Variants in SGSM2 observed in about 807,000 individuals in gnomAD.
The protein encoded by SGSM2 is small G protein signaling modulator 2.
SGSM2 carries 89 observed loss-of-function variants against 126.6 expected under a neutral mutation model. The observed-to-expected ratio is 0.70, with a 90% CI of 0.59 to 0.84. The LOEUF is 0.84. SGSM2 is among the 40% of genes least tolerant of loss of function. SGSM2 has a pLI of 0.00. For missense variants in SGSM2, 1,404 were observed against 1,416.6 expected (o/e 0.99, Z 0.14); for synonymous variants, 614 against 574.3 (o/e 1.07, Z -0.99).
rs534925824 is a variant in SGSM2, at chr17:2,372,602, C to T, written c.1788+114C>T. 342 of 1,397,974 alleles carry T rather than the reference C, an allele frequency of 2.4e-4. 2 individuals carry two copies. In the African/African-American group the frequency reaches 3.1e-3, roughly 13 times the overall value. 86.6% of individuals were successfully genotyped at this position (1,397,974 alleles called of 1,614,324 possible). A position where few individuals can be genotyped will look rare whatever the true frequency, so the allele number is the denominator to read the frequency against. On this transcript the variant is annotated intron_variant, in intron 15 of 23. Coordinates refer to ENST00000268989, the MANE Select transcript of SGSM2 (RefSeq NM_014853.3). The surrounding 1 kb of genome is among the most constrained non-coding windows in gnomAD (Gnocchi z 6.0). ...GGTTGACAGGCCAGGGCCGATGCCACGGAGTGACCAGGGTCCCGGCAGAAT... is the reference window on the plus strand; with the variant it reads ...GGTTGACAGGCCAGGGCCGATGCCATGGAGTGACCAGGGTCCCGGCAGAAT...
At position 2,380,193 on chromosome 17, in the gene SGSM2, G is replaced by A. The variant is rs2066353437; in HGVS notation, c.*673G>A. 6.5e-7 allele frequency: 1 copy of A among 1,528,496 alleles called. No individual in the cohort carries two copies. The highest frequency in any genetic ancestry group is 2.0e-5 in the Admixed American group (1 of 50,330). The allele number at this position is 1,528,496 out of a possible 1,614,324, so 94.7% of individuals were successfully genotyped here. ...CTGAGGTGACCCCCAGGCCTCCCCG[G>A]CCTTGTACAGTGTACCTCTGTGTAT... On this transcript the variant is annotated 3_prime_UTR_variant, in exon 24 of 24. Transcript: ENST00000268989.
chr17:2,371,601 G>A (rs1242475187), intron 13 of SGSM2, 186 bp downstream of exon 13: 3 of 663,946 alleles, frequency 4.5e-6, no homozygotes, highest in Middle Eastern at 4.2e-4. Context: ...GAGCCTCTAC[G>A]TTTCTGAACC....
intron 2 of SGSM2, among the ~76,000 whole-genome samples, chr17:2,352,631 C>T (rs2064904035): frequency 6.6e-6 from 1 of 152,118 alleles, no homozygotes; most frequent in South Asian, 2.1e-4. Context: ...TGGGCTTGTC[C>T]AGGCTGCTGA....
Position 2,376,161 on chromosome 17 carries a change from T to C in SGSM2, c.2509T>C (p.Leu837=), listed in dbSNP as rs200863374. 48 of 1,614,112 alleles carry C rather than the reference T, an allele frequency of 3.0e-5. No individual in the cohort carries two copies. The African/African-American group carries it at 6.1e-4, about 21-fold the overall frequency. Residue 837 remains leucine, a synonymous_variant, in exon 19 of 24, where the codon TTA becomes CTA. Transcript: ENST00000268989. The part of the protein sequence containing the change: ...YTIELLDTVA[L]NLHRIDKDVQ... ...GATAGAATTACTGGACACTGTGGCC[T>C]TAAACCTGCACCGCATAGACAAGGA...
chr17:2,372,783 C>T lies in SGSM2; in HGVS notation c.1789-170C>T, dbSNP rs2065934910. 1 of 927,094 alleles carries T rather than the reference C, an allele frequency of 1.1e-6. No individual in the cohort carries two copies. The highest frequency in any genetic ancestry group is 1.6e-6 in the Non-Finnish European group (1 of 629,836). The allele number at this position is 927,094 out of a possible 1,614,324, so 57.4% of individuals were successfully genotyped here. A position where few individuals can be genotyped will look rare whatever the true frequency, so the allele number is the denominator to read the frequency against. On this transcript the variant is annotated intron_variant, in intron 15 of 23. Coordinates refer to ENST00000268989, the MANE Select transcript of SGSM2 (RefSeq NM_014853.3). This position sits in a 1 kb window ranked among gnomAD's most constrained non-coding sequence, Gnocchi z 6.0. ...AGGAGAGCAGAACGAGATCTCATCC[C>T]ACTGTGAGCTGGGGCACGGGAGGAC... is the stretch of plus-strand genomic sequence containing the variant.
At chr17:2,358,673 T>C (rs936052303) in intron 2 of SGSM2, among the ~76,000 whole-genome samples, 1 of 151,948 alleles carries the variant, frequency 6.6e-6, no homozygotes, top group Non-Finnish European at 1.5e-5. Flanking sequence ...GGTTGCACCG[T>C]TGCACGCCAG....
chr17:2,343,656 C>G, intron 2 of SGSM2, 36 bp downstream of exon 2: 1 of 1,597,444 alleles, frequency 6.3e-7, no homozygotes, highest in Non-Finnish European at 8.6e-7. Context: ...GGAGGTCGGT[C>G]TAGAGCCGAG....
Position 2,376,317 on chromosome 17 carries a change from T to C in SGSM2, c.2609+56T>C. On this transcript the variant is annotated intron_variant, in intron 19 of 23. Transcript: ENST00000268989. ...GGCGGGACCCTGCCGCCAGTTACTCTGTGAAGATGAGGTCCGGAAGGTGCC... is the reference window on the plus strand; with the variant it reads ...GGCGGGACCCTGCCGCCAGTTACTCCGTGAAGATGAGGTCCGGAAGGTGCC... 3 of 1,504,052 alleles carry C rather than the reference T, an allele frequency of 2.0e-6. 1 individual carries two copies. In the East Asian group the frequency reaches 7.7e-5, roughly 39 times the overall value. The allele number at this position is 1,504,052 out of a possible 1,614,324, so 93.2% of individuals were successfully genotyped here. A position where few individuals can be genotyped will look rare whatever the true frequency, so the allele number is the denominator to read the frequency against.
chr17:2,379,654 A>G lies in SGSM2; in HGVS notation c.*134A>G. The G allele has an allele frequency of 6.8e-7, 1 of 1,463,640 alleles. No homozygotes were observed. Among genetic ancestry groups the G allele is most frequent in the Non-Finnish European group, 9.1e-7 (1 of 1,102,616 alleles). The allele number at this position is 1,463,640 out of a possible 1,614,324, so 90.7% of individuals were successfully genotyped here. On this transcript the variant is annotated 3_prime_UTR_variant, in exon 24 of 24. Coordinates refer to ENST00000268989, the MANE Select transcript of SGSM2 (RefSeq NM_014853.3). ...CCTAACAAAGCGGTTGTGAGCCTGG[A>G]TCCGACTCCCGGCAGTGCTGACCCT...
chr17:2,379,772 C>A lies in SGSM2; in HGVS notation c.*252C>A. The A allele has an allele frequency of 1.5e-6, 2 of 1,371,832 alleles. No homozygotes were observed. The highest frequency in any genetic ancestry group is 3.4e-5 in the South Asian group (2 of 57,994). 85.0% of individuals were successfully genotyped at this position (1,371,832 alleles called of 1,614,324 possible). A position where few individuals can be genotyped will look rare whatever the true frequency, so the allele number is the denominator to read the frequency against. On this transcript the variant is annotated 3_prime_UTR_variant, in exon 24 of 24. Coordinates refer to ENST00000268989, the MANE Select transcript of SGSM2 (RefSeq NM_014853.3). ...GCAGCTGCCTTGGGGGACACACCTA[C>A]TCTGCTCCCCTCTCACACATCTGGG...
rs774582047 is a variant in SGSM2 at position 2,361,782 on chromosome 17, G to A, written c.279G>A (p.Gln93=). ...TTTGCCACAAGGTACAGGAGCTGCAGCAACAAGCAGAGGGCAGGTGAGCCC... is the reference window on the plus strand; with the variant it reads ...TTTGCCACAAGGTACAGGAGCTGCAACAACAAGCAGAGGGCAGGTGAGCCC... The part of the protein sequence containing the change: ...GEICHKVQEL[Q]QQAEGRKPSG... Residue 93 remains glutamine (Q), a synonymous_variant, in exon 3 of 24, where the codon CAG becomes CAA. Transcript: ENST00000268989. The A allele has an allele frequency of 5.6e-6, 9 of 1,608,500 alleles. No individual in the cohort carries two copies. The Admixed American group carries it at 1.2e-4, about 21-fold the overall frequency.
chr17:2,377,373 A>T (rs1597397894), intron 21 of SGSM2: 1 of 265,922 alleles, frequency 3.8e-6, no homozygotes, highest in East Asian at 9.1e-5. Context: ...AGTCCCAGCT[A>T]CTCGGGAGGC....
intron 2 of SGSM2, among the ~76,000 whole-genome samples, chr17:2,347,469 G>C (rs1456568488): frequency 6.8e-6 from 1 of 147,398 alleles, no homozygotes; most frequent in African/African-American, 2.5e-5. Context: ...AGAGGTCTTT[G>C]ATATATCCTT....
At chr17:2,376,614 T>C in intron 19 of SGSM2, 119 bp from the exon 20 acceptor site, 1 of 1,099,370 alleles carries the variant, frequency 9.1e-7, no homozygotes. Flanking sequence ...AGTACATGCC[T>C]TAGGGTCGTG....
At position 2,363,987 on chromosome 17, in the gene SGSM2, T is replaced by C; in HGVS notation, c.808-72T>C. The C allele has an allele frequency of 6.3e-7, 1 of 1,599,094 alleles. No homozygotes were observed. Among genetic ancestry groups the C allele is most frequent in the Non-Finnish European group, 8.6e-7 (1 of 1,167,810 alleles). ...GGCCTCCCCTCCTCCCAGCGGGAGC[T>C]CATTTCTCATAGGCCATCCCTGAGA... On this transcript the variant is annotated intron_variant, in intron 7 of 23. Transcript: ENST00000268989. The surrounding 1 kb of genome is among the most constrained non-coding windows in gnomAD (Gnocchi z 4.2).
chr17:2,350,792 C>T (rs2064812368), intron 2 of SGSM2, among the ~76,000 whole-genome samples: 1 of 152,192 alleles, frequency 6.6e-6, no homozygotes, highest in South Asian at 2.1e-4. Flanking sequence ...ATTCATCAGT[C>T]CCCTTCGGTG....
At chr17:2,365,428 C>T (rs2065522369) in intron 11 of SGSM2, 87 bp downstream of exon 11, 2 of 1,423,832 alleles carry the variant, frequency 1.4e-6, no homozygotes, top group South Asian at 2.9e-5. Flanking sequence ...GGGCAGCAGG[C>T]AGGGCCCACT....
At position 2,379,639 on chromosome 17, in the gene SGSM2, C is replaced by CG; in HGVS notation, c.*121dup. 1 of 1,478,550 alleles carries CG rather than the reference C, an allele frequency of 6.8e-7. No homozygotes were observed. The highest frequency in any genetic ancestry group is 9.0e-7 in the Non-Finnish European group (1 of 1,108,584). 91.6% of individuals were successfully genotyped at this position (1,478,550 alleles called of 1,614,324 possible). A position where few individuals can be genotyped will look rare whatever the true frequency, so the allele number is the denominator to read the frequency against. On this transcript the variant is annotated 3_prime_UTR_variant, in exon 24 of 24. Coordinates refer to ENST00000268989, the MANE Select transcript of SGSM2 (RefSeq NM_014853.3). ...GACCCCACCTCTGTTCCTAACAAAG[C>CG]GGTTGTGAGCCTGGATCCGACTCCC...
At position 2,363,245 on chromosome 17, in the gene SGSM2, C is replaced by T. The variant is rs143930884; in HGVS notation, c.672+111C>T. 477 of 1,389,178 alleles carry T rather than the reference C, an allele frequency of 3.4e-4. 2 individuals carry two copies. The African/African-American group carries it at 5.3e-3, about 15-fold the overall frequency. The allele number at this position is 1,389,178 out of a possible 1,614,324, so 86.1% of individuals were successfully genotyped here. A position where few individuals can be genotyped will look rare whatever the true frequency, so the allele number is the denominator to read the frequency against. ...AGGCCTTGGAGATGCCCCAAGGTAG[C>T]GGCTGCCTCAGAAGAGCCTTCTCCG... On this transcript the variant is annotated intron_variant, in intron 6 of 23. Coordinates refer to ENST00000268989, the MANE Select transcript of SGSM2 (RefSeq NM_014853.3). This position sits in a 1 kb window ranked among gnomAD's most constrained non-coding sequence, Gnocchi z 4.2.
Sources: gnomAD v4.1 joint callset for allele counts (sites outside exome capture counted in the v4.1 genomes callset) on GRCh38, gnomAD v4.1.1 for gene constraint, Gnocchi (gnomAD v3.1) non-coding constraint, MANE v1.5 for transcripts, NCBI Gene and HGNC (gene_info 2026-07-23, HGNC 2026-07-21) for gene names.